SPPL3: variants seen among roughly 807,000 people sequenced by gnomAD.
SPPL3 encodes the protein signal peptide peptidase like 3, also known as signal peptide peptidase-like 3.
A neutral mutation model predicts 42.4 loss-of-function variants in SPPL3; 5 were observed. The observed-to-expected ratio is 0.12, with a 90% CI of 0.06 to 0.25. SPPL3 has a LOEUF of 0.25. Ranked by LOEUF, SPPL3 falls within the 10% of genes least tolerant of loss-of-function variation. The probability of loss-of-function intolerance (pLI) is 1.00; values close to 1 mark genes in which losing one functional copy is unlikely to be tolerated. For missense variants in SPPL3, 235 were observed against 489.0 expected, an observed-to-expected ratio of 0.48 and a Z score of 4.90; for synonymous variants, 195 against 181.8, an observed-to-expected ratio of 1.07 and a Z score of -0.58.
chr12:120,844,160 A>G (rs191436492), intron 1 of SPPL3, among the ~76,000 whole-genome samples: 1 of 152,240 alleles, frequency 6.6e-6, no homozygotes, highest in Non-Finnish European at 1.5e-5. Flanking sequence ...ATTTTTCTCA[A>G]AAACCTGCTT....
intron 1 of SPPL3, among the ~76,000 whole-genome samples, chr12:120,829,603 A>G (rs138175021): frequency 1.2e-3 from 180 of 151,972 alleles, no homozygotes; most frequent in Admixed American, 0.011. Context: ...CTCAAAAAAG[A>G]AAAAAAACAA....
chr12:120,843,966 TATAAC>T (rs372212365), intron 1 of SPPL3, among the ~76,000 whole-genome samples: 3,750 of 152,110 alleles, frequency 0.025, 71 homozygotes, highest in Middle Eastern at 0.051. Flanking sequence ...CAAAAATAAA[TATAAC>T]ATAACATAAC....
rs1212560930 is a variant in SPPL3 at position 120,764,864 on chromosome 12, T to C, written c.*135A>G. On this transcript the variant is annotated 3_prime_UTR_variant, in exon 11 of 11. Transcript: ENST00000353487. ...CTCCTGCAAACGAGCTCCCTTTAAA[T>C]GCCAAATCCAGTCACACGGCAGTTC... The C allele has an allele frequency of 4.3e-6, 4 of 926,584 alleles. No individual in the cohort carries two copies. The highest frequency in any genetic ancestry group is 3.4e-5 in the African/African-American group (2 of 59,208). The allele number at this position is 926,584 out of a possible 1,614,324, so 57.4% of individuals were successfully genotyped here. A position where few individuals can be genotyped will look rare whatever the true frequency, so the allele number is the denominator to read the frequency against.
At chr12:120,886,055 C>A (rs1411096493) in intron 1 of SPPL3, among the ~76,000 whole-genome samples, 1 of 151,774 alleles carries the variant, frequency 6.6e-6, no homozygotes, top group Non-Finnish European at 1.5e-5. Context: ...GTTGGTCAGG[C>A]TGGTCTCGAA....
chr12:120,877,673 C>T (rs1221149058), intron 1 of SPPL3, among the ~76,000 whole-genome samples: 1 of 151,014 alleles, frequency 6.6e-6, no homozygotes, highest in Non-Finnish European at 1.5e-5. Flanking sequence ...CTCAGCTACT[C>T]GGGGGGCTGA....
At chr12:120,830,053 T>G (rs1357150429) in intron 1 of SPPL3, among the ~76,000 whole-genome samples, 4 of 150,008 alleles carry the variant, frequency 2.7e-5, no homozygotes, top group Non-Finnish European at 5.9e-5. Flanking sequence ...TTTAAAAATC[T>G]GACTTTAGTA....
intron 2 of SPPL3, among the ~76,000 whole-genome samples, chr12:120,801,149 T>C (rs1411105502): frequency 1.3e-5 from 2 of 152,068 alleles, no homozygotes; most frequent in South Asian, 2.1e-4. Flanking sequence ...TCTGAGGCCC[T>C]ACCTTGTCCA....
chr12:120,874,307 G>C (rs1048555886), intron 1 of SPPL3, among the ~76,000 whole-genome samples: 1 of 151,866 alleles, frequency 6.6e-6, no homozygotes, highest in Non-Finnish European at 1.5e-5. Flanking sequence ...ATAAAAATTA[G>C]CTGGGCGTGG....
Position 120,884,310 on chromosome 12 carries a change from C to T in SPPL3, c.23+19535G>A, listed in dbSNP as rs548048261. On this transcript the variant is annotated intron_variant, in intron 1 of 10. Transcript: ENST00000353487. ...GTGAAGTTCATGAGCGTTCATTATG[C>T]TACACATACAAATCATATATTCTTC... Among the ~76,000 whole-genome samples the T allele has an allele frequency of 1.2e-4, 18 of 152,126 alleles. No homozygotes were observed. The East Asian group carries it at 3.3e-3, about 28-fold the overall frequency.
At chr12:120,833,504 G>A (rs1871498867) in intron 1 of SPPL3, among the ~76,000 whole-genome samples, 1 of 151,972 alleles carries the variant, frequency 6.6e-6, no homozygotes, top group South Asian at 2.1e-4. Context: ...GAATGAAGCT[G>A]GGTAAATGAG....
intron 3 of SPPL3, among the ~76,000 whole-genome samples, chr12:120,790,624 T>G (rs1168032916): frequency 6.6e-6 from 1 of 152,196 alleles, no homozygotes; most frequent in African/African-American, 2.4e-5. Flanking sequence ...AGAAACCTTA[T>G]CTGACCCATT....
At chr12:120,804,757 G>A (rs117034844) in intron 2 of SPPL3, among the ~76,000 whole-genome samples, 183 of 152,102 alleles carry the variant, frequency 1.2e-3, no homozygotes, top group Non-Finnish European at 2.3e-3. Context: ...TCTGCTTGAG[G>A]GCAATAAATA....
intron 1 of SPPL3, among the ~76,000 whole-genome samples, chr12:120,846,481 T>C (rs1592992864): frequency 6.6e-6 from 1 of 152,254 alleles, no homozygotes; most frequent in East Asian, 1.9e-4. Context: ...TAGCTGCTAG[T>C]ATTTCCATTT....
chr12:120,844,259 C>T (rs1251906836), intron 1 of SPPL3, among the ~76,000 whole-genome samples: 2 of 152,150 alleles, frequency 1.3e-5, no homozygotes, highest in Non-Finnish European at 2.9e-5. Flanking sequence ...AACCATACCT[C>T]CAAAACATAG....
At chr12:120,871,166 T>C (rs1593004882) in intron 1 of SPPL3, among the ~76,000 whole-genome samples, 1 of 114,260 alleles carries the variant, frequency 8.8e-6, no homozygotes, top group African/African-American at 3.1e-5. Flanking sequence ...GTTCTGGAGG[T>C]AAACAGTGAT....
intron 7 of SPPL3, 106 bp downstream of exon 7, chr12:120,768,847 A>G: frequency 1.1e-6 from 1 of 932,956 alleles, no homozygotes; most frequent in Admixed American, 2.2e-5. Flanking sequence ...AGTGATCAGC[A>G]GCTGGGCAAG....
chr12:120,901,944 G>A (rs1178666913), intron 1 of SPPL3: 1 of 985,098 alleles, frequency 1.0e-6, no homozygotes, highest in African/African-American at 1.8e-5. Flanking sequence ...AACCATCCAG[G>A]GCCTCTGTAC....
intron 1 of SPPL3, among the ~76,000 whole-genome samples, chr12:120,874,483 TA>T (rs1289951548): frequency 7.7e-6 from 1 of 129,784 alleles, no homozygotes; most frequent in African/African-American, 2.8e-5. Flanking sequence ...ATAAAAGAAA[TA>T]AGTGAGTAAA....
chr12:120,854,654 A>G (rs1341228672), intron 1 of SPPL3, among the ~76,000 whole-genome samples: 1 of 152,244 alleles, frequency 6.6e-6, no homozygotes, highest in South Asian at 2.1e-4. Context: ...AAGATTTTCA[A>G]AAAGACTCAA....
Sources: gnomAD v4.1 joint callset for allele counts (sites outside exome capture counted in the v4.1 genomes callset) on GRCh38, gnomAD v4.1.1 for gene constraint, MANE v1.5 for transcripts, NCBI Gene and HGNC (gene_info 2026-07-23, HGNC 2026-07-21) for gene names.